The following DOCK9 variants were observed in gnomAD, a reference collection of about 807,000 sequenced individuals.
DOCK9 encodes dedicator of cytokinesis protein 9.
Under a neutral mutation model 263.3 loss-of-function variants are expected in DOCK9, and 89 were observed. The observed-to-expected ratio is 0.34, with a 90% confidence interval of 0.28 to 0.40. The LOEUF is 0.40. Ranked by LOEUF, DOCK9 falls within the 10% of genes least tolerant of loss-of-function variation. The probability of loss-of-function intolerance (pLI) is 1.00; values close to 1 mark genes in which losing one functional copy is unlikely to be tolerated. For missense variants in DOCK9, 2,140 were observed against 2,603.4 expected (o/e 0.82, Z 3.87); for synonymous variants, 976 against 973.1 (o/e 1.00, Z -0.06).
At chr13:98,797,824 A>C (rs1298005859) in intron 50 of DOCK9, among the ~76,000 whole-genome samples, 1 of 152,256 alleles carries the variant, frequency 6.6e-6, no homozygotes, top group East Asian at 1.9e-4. Context: ...ATCCAGGTCA[A>C]GGATTCTTAC....
chr13:98,904,726 A>G lies in DOCK9; in HGVS notation c.961-20T>C. ...TGCACTCTGATAACAAGATACATGA[A>G]AATTACATTTAACACAATCCTTTTC... On this transcript the variant is annotated intron_variant, in intron 9 of 52. Transcript: ENST00000682017. 6.5e-7 allele frequency: 1 copy of G among 1,541,958 alleles called. No homozygotes were observed. Among genetic ancestry groups the G allele is most frequent in the Non-Finnish European group, 8.8e-7 (1 of 1,141,210 alleles).
At position 98,923,274 on chromosome 13, in the gene DOCK9, G is replaced by C. The variant is rs148252067; in HGVS notation, c.486+28C>G. The C allele has an allele frequency of 5.1e-5, 81 of 1,601,224 alleles. 1 individual carries two copies. In the African/African-American group the frequency reaches 6.9e-4, roughly 14 times the overall value. On this transcript the variant is annotated intron_variant, in intron 5 of 52. Transcript: ENST00000682017. ...TTGATGTTTAAATCTAGAGTGAAAA[G>C]AGAAGCAACAGCAAGCAGGTATCCC...
intron 21 of DOCK9, among the ~76,000 whole-genome samples, chr13:98,884,376 T>A (rs2045346928): frequency 6.6e-6 from 1 of 152,244 alleles, no homozygotes; most frequent in Non-Finnish European, 1.5e-5. Context: ...TTGGGAAAAT[T>A]TAACTATTTG....
chr13:98,976,612 A>G (rs567464113), intron 1 of DOCK9, among the ~76,000 whole-genome samples: 1 of 152,366 alleles, frequency 6.6e-6, no homozygotes, highest in African/African-American at 2.4e-5. Flanking sequence ...GTGGGCTATT[A>G]TATTGGCAGC....
Position 98,858,742 on chromosome 13 carries a change from A to G in DOCK9, c.3697+1663T>C, listed in dbSNP as rs527650297. On this transcript the variant is annotated intron_variant, in intron 33 of 52. Transcript: ENST00000682017. ...AGTGAAAAAGGATTAAGTCAGTTTC[A>G]AGTACTTTTCACAGCTGCAATGTCA... The G allele has an allele frequency of 7.9e-5, 12 of 152,322 alleles. No homozygotes were observed. In the East Asian group the frequency reaches 2.1e-3, roughly 27 times the overall value. 9.4% of individuals were successfully genotyped at this position (152,322 alleles called of 1,614,324 possible). A position where few individuals can be genotyped will look rare whatever the true frequency, so the allele number is the denominator to read the frequency against.
chr13:99,057,168 G>A (rs72651893), intron 1 of DOCK9, among the ~76,000 whole-genome samples: 243 of 152,176 alleles, frequency 1.6e-3, no homozygotes, highest in Middle Eastern at 0.014. Flanking sequence ...TTTAGTTCTT[G>A]GAGACATACT....
intron 15 of DOCK9, among the ~76,000 whole-genome samples, chr13:98,896,141 A>G (rs1403067197): frequency 6.6e-6 from 1 of 152,262 alleles, no homozygotes; most frequent in African/African-American, 2.4e-5. Context: ...CTGAGGTTGC[A>G]CTTCTCATTA....
intron 2 of DOCK9, among the ~76,000 whole-genome samples, chr13:98,934,708 C>T (rs1449956151): frequency 6.6e-6 from 1 of 152,206 alleles, no homozygotes; most frequent in East Asian, 1.9e-4. Flanking sequence ...TTTCCACAGT[C>T]ACCCTTCCAC....
intron 41 of DOCK9, 84 bp downstream of exon 41, chr13:98,831,264 T>C (rs2092751399): frequency 2.2e-6 from 3 of 1,388,242 alleles, no homozygotes; most frequent in East Asian, 2.5e-5. Context: ...ACAAGGTAAA[T>C]TGGTTAATGT....
rs1398891853 is a variant in DOCK9, at chr13:98,829,454, G to A, written c.4818C>T (p.Ala1606=). ...GGTCGTTCTCATGCTCCTTCATCTG[G>A]GCGGTGGCCATTAGCACCGTGCGTA... The part of the protein sequence containing the change: ...KRIRTVLMAT[A]QMKEHENDPE... The change falls in exon 43 of 53, where the codon GCC becomes GCT. Residue 1606 remains alanine (A), a synonymous_variant. Transcript: ENST00000682017. The surrounding 1 kb of genome is among the most constrained non-coding windows in gnomAD (Gnocchi z 4.1). 13 of 1,613,972 alleles carry A rather than the reference G, an allele frequency of 8.1e-6. No individual in the cohort carries two copies. The highest frequency in any genetic ancestry group is 1.1e-5 in the Non-Finnish European group (13 of 1,179,880).
rs1338014283 is a variant in DOCK9, at chr13:98,825,257, C to T, written c.5024-753G>A. On this transcript the variant is annotated intron_variant, in intron 44 of 52. Transcript: ENST00000682017. The surrounding 1 kb of genome is among the most constrained non-coding windows in gnomAD (Gnocchi z 4.1). ...AAACAGCTTTAAGTCAGTTGGACCA[C>T]GTCAGCTATGCAAAATGATCAAGTG... 4.6e-5 allele frequency among the ~76,000 whole-genome samples: 7 copies of T among 152,190 alleles called. No individual in the cohort carries two copies. The highest frequency in any genetic ancestry group is 2.0e-4 in the Admixed American group (3 of 15,284).
At chr13:99,075,593 T>C (rs1436523168) in intron 1 of DOCK9, among the ~76,000 whole-genome samples, 1 of 152,018 alleles carries the variant, frequency 6.6e-6, no homozygotes, top group Non-Finnish European at 1.5e-5. Context: ...CTGAAACTCC[T>C]GGGCTCAAGC....
chr13:99,045,332 C>T (rs957896171), intron 1 of DOCK9, among the ~76,000 whole-genome samples: 22 of 152,028 alleles, frequency 1.4e-4, no homozygotes, highest in Admixed American at 4.6e-4. Flanking sequence ...ATCATTCAGG[C>T]GCAAAAGAGA....
chr13:98,826,188 C>T lies in DOCK9; in HGVS notation c.5023+642G>A, dbSNP rs542329771. 3.9e-5 allele frequency among the ~76,000 whole-genome samples: 6 copies of T among 152,242 alleles called. No homozygotes were observed. In the South Asian group the frequency reaches 1.2e-3, roughly 32 times the overall value. ...CTGCTGTTTTCTCCCATGTAACTCA[C>T]GCAGACTACCAGCTTTTCTAAGAAC... On this transcript the variant is annotated intron_variant, in intron 44 of 52. Coordinates refer to ENST00000682017, the MANE Select transcript of DOCK9 (RefSeq NM_001366683.2).
At chr13:98,886,239 A>C (rs758420593) in intron 19 of DOCK9, among the ~76,000 whole-genome samples, 5 of 152,242 alleles carry the variant, frequency 3.3e-5, no homozygotes, top group Non-Finnish European at 5.9e-5. Context: ...AAATGTAACT[A>C]AAGTATGAAT....
chr13:98,916,164 G>C (rs1331874321), intron 7 of DOCK9, among the ~76,000 whole-genome samples: 2 of 152,208 alleles, frequency 1.3e-5, no homozygotes, highest in African/African-American at 4.8e-5. Flanking sequence ...CATGCACTAG[G>C]CCAGGATTTC....
chr13:98,961,714 A>G (rs1237919154), intron 1 of DOCK9, among the ~76,000 whole-genome samples: 2 of 151,706 alleles, frequency 1.3e-5, no homozygotes, highest in Non-Finnish European at 2.9e-5. Context: ...TGCCACCCTC[A>G]GCATCCCACT....
chr13:99,086,966 C>T (rs1490227197), upstream of DOCK9, among the ~76,000 whole-genome samples: 1 of 152,092 alleles, frequency 6.6e-6, no homozygotes, highest in African/African-American at 2.4e-5. Context: ...GGTTTCGGAG[C>T]AGGGTTTCCT....
chr13:98,905,512 G>A (rs564887046), intron 9 of DOCK9, among the ~76,000 whole-genome samples: 10 of 152,096 alleles, frequency 6.6e-5, no homozygotes, highest in African/African-American at 2.4e-4. Flanking sequence ...CTAGGAGAAG[G>A]CACAGCAGGT....
Sources: allele counts gnomAD v4.1 joint callset (sites outside exome capture counted in the v4.1 genomes callset), GRCh38; gene constraint gnomAD v4.1.1; non-coding constraint Gnocchi (gnomAD v3.1); transcripts MANE v1.5; gene names NCBI Gene and HGNC (gene_info 2026-07-23, HGNC 2026-07-21).